MAP3K13: variants seen among roughly 807,000 people sequenced by gnomAD.
MAP3K13 encodes mitogen-activated protein kinase kinase kinase 13, also known as leucine zipper-bearing kinase.
A neutral mutation model predicts 104.0 loss-of-function variants in MAP3K13; 52 were observed. The ratio of observed to expected loss-of-function variants is 0.50; its 90% CI spans 0.40 to 0.63. MAP3K13 has a LOEUF of 0.63. Among genes scored for constraint, MAP3K13 ranks in the 20% least tolerant of loss-of-function variants. The pLI is 0.00. For missense variants in MAP3K13, 914 were observed against 1,218.5 expected, an observed-to-expected ratio of 0.75 and a Z score of 3.72; for synonymous variants, 394 against 442.2, an observed-to-expected ratio of 0.89 and a Z score of 1.37.
At chr3:185,327,338 C>T (rs1360548234) in intron 2 of MAP3K13, among the ~76,000 whole-genome samples, 2 of 152,182 alleles carry the variant, frequency 1.3e-5, no homozygotes, top group Non-Finnish European at 2.9e-5. Context: ...AAACGTTAAT[C>T]ACATCTGCAA....
chr3:185,480,700 G>A (rs6802270), intron 13 of MAP3K13, among the ~76,000 whole-genome samples, 171 bp downstream of exon 13: 1 of 152,168 alleles, frequency 6.6e-6, no homozygotes, highest in Non-Finnish European at 1.5e-5. Context: ...AATTTATGAA[G>A]AAAAGAGGTT....
At chr3:185,439,206 A>C (rs1715198429) in intron 3 of MAP3K13, among the ~76,000 whole-genome samples, 1 of 152,126 alleles carries the variant, frequency 6.6e-6, no homozygotes, top group Non-Finnish European at 1.5e-5. Flanking sequence ...CAGGACACTA[A>C]GAGACAGAAA....
intron 2 of MAP3K13, among the ~76,000 whole-genome samples, chr3:185,437,000 CAAAAAAAAAAAAAAAAAAA>C (rs58819806): frequency 2.7e-5 from 1 of 36,946 alleles, no homozygotes; most frequent in Non-Finnish European, 4.6e-5. Flanking sequence ...GACTCTGTCT[CAAAAAAAAAAAAAAAAAAA>C]AAAAAAAAAA....
chr3:185,299,553 CTTTTTTTT>C (rs1195743775), intron 2 of MAP3K13, among the ~76,000 whole-genome samples: 1 of 7,092 alleles, frequency 1.4e-4, no homozygotes, highest in South Asian at 8.9e-3. Flanking sequence ...CTCTCTCTCT[CTTTTTTTT>C]TTTTTTTTTT....
At chr3:185,373,590 G>A (rs1026814115) in intron 1 of MAP3K13, among the ~76,000 whole-genome samples, 9 of 152,098 alleles carry the variant, frequency 5.9e-5, no homozygotes, top group African/African-American at 1.7e-4. Flanking sequence ...TGCAGTGAGC[G>A]GAGATCATGC....
At chr3:185,479,094 C>T (rs1377884239) in intron 12 of MAP3K13, among the ~76,000 whole-genome samples, 1 of 152,138 alleles carries the variant, frequency 6.6e-6, no homozygotes, top group Admixed American at 6.5e-5. Context: ...AGCGTTGGCT[C>T]ATCAGAGCCA....
chr3:185,297,690 G>A (rs1477778498), intron 2 of MAP3K13, among the ~76,000 whole-genome samples: 3 of 151,010 alleles, frequency 2.0e-5, no homozygotes, highest in Non-Finnish European at 4.4e-5. Context: ...AGCTGAGACC[G>A]TGCCACTGCA....
chr3:185,302,594 T>C (rs1721146840), intron 2 of MAP3K13, among the ~76,000 whole-genome samples: 1 of 152,192 alleles, frequency 6.6e-6, no homozygotes, highest in African/African-American at 2.4e-5. Flanking sequence ...TTTTTGATGC[T>C]ATTATAAATG....
rs1434696080 is a variant in MAP3K13 at position 185,385,297 on chromosome 3, T to C, written c.-86+21929T>C. Among the ~76,000 whole-genome samples the C allele has an allele frequency of 2.6e-5, 4 of 152,140 alleles. No homozygotes were observed. In the South Asian group the frequency reaches 8.3e-4, roughly 32 times the overall value. On this transcript the variant is annotated intron_variant, in intron 1 of 13. Transcript: ENST00000265026. ...TCCCGAGTGGCTGGGATTACAGGCA[T>C]GCACCACCATGTCCAACTAATTTTT...
At chr3:185,454,556 C>CATATATATGATATATATGATATATAG (rs1560116839) in intron 7 of MAP3K13, among the ~76,000 whole-genome samples, 6 of 53,818 alleles carry the variant, frequency 1.1e-4, no homozygotes, top group Admixed American at 6.1e-4. Context: ...GATATATACA[C>CATATATATGATATATATGATATATAG]ATATATATGA....
At chr3:185,405,338 G>A (rs935311665) in intron 1 of MAP3K13, among the ~76,000 whole-genome samples, 1 of 152,194 alleles carries the variant, frequency 6.6e-6, no homozygotes, top group Non-Finnish European at 1.5e-5. Context: ...CATTGCATAA[G>A]TAATGAGTAA....
chr3:185,421,132 CTTTCTTTTTCTTTTTTCT>C (rs1714096047), intron 1 of MAP3K13, among the ~76,000 whole-genome samples: 1 of 151,984 alleles, frequency 6.6e-6, no homozygotes, highest in South Asian at 2.1e-4. Flanking sequence ...TCCCGGAGTA[CTTTCTTTTTCTTTTTTCT>C]TTTCTTTTCT....
At chr3:185,416,824 T>C (rs1713807561) in intron 1 of MAP3K13, among the ~76,000 whole-genome samples, 1 of 151,410 alleles carries the variant, frequency 6.6e-6, no homozygotes, top group Non-Finnish European at 1.5e-5. Context: ...GGTCTCACTG[T>C]GTTGCCCAGG....
rs1241265305 is a variant in MAP3K13, at chr3:185,450,326, T to G, written c.1169+268T>G. ...AGAACTTGGTGTTATTATCTCAAAA[T>G]AGTAGGCCTTGGTCAATGATAGCTA... On this transcript the variant is annotated intron_variant, in intron 6 of 13. Coordinates refer to ENST00000265026, the MANE Select transcript of MAP3K13 (RefSeq NM_004721.5). This position sits in a 1 kb window ranked among gnomAD's most constrained non-coding sequence, Gnocchi z 4.2. 6.6e-6 allele frequency among the ~76,000 whole-genome samples: 1 copy of G among 152,234 alleles called. No individual in the cohort carries two copies. The highest frequency in any genetic ancestry group is 2.4e-5 in the African/African-American group (1 of 41,464).
chr3:185,449,169 C>T (rs558780600), intron 5 of MAP3K13, among the ~76,000 whole-genome samples: 12 of 151,958 alleles, frequency 7.9e-5, no homozygotes, highest in African/African-American at 2.9e-4. Flanking sequence ...GTCAGGAGTT[C>T]GAGACCAGCC....
upstream of MAP3K13, among the ~76,000 whole-genome samples, chr3:185,358,485 G>A (rs1723472242): frequency 1.3e-5 from 2 of 152,154 alleles, no homozygotes; most frequent in East Asian, 1.9e-4. Flanking sequence ...CTTCTAAGGG[G>A]TATTAGGCTA....
At chr3:185,439,181 A>G (rs1431100615) in intron 3 of MAP3K13, among the ~76,000 whole-genome samples, 1 of 152,138 alleles carries the variant, frequency 6.6e-6, no homozygotes, top group Non-Finnish European at 1.5e-5. Flanking sequence ...TGTGAAAAAA[A>G]GAGAAGCATT....
At chr3:185,379,894 G>A (rs1457126077) in intron 1 of MAP3K13, among the ~76,000 whole-genome samples, 1 of 152,150 alleles carries the variant, frequency 6.6e-6, no homozygotes, top group Non-Finnish European at 1.5e-5. Flanking sequence ...TGTTAGAAGT[G>A]CTCATTCTTG....
At chr3:185,466,059 A>C (rs1159748054) in intron 9 of MAP3K13, among the ~76,000 whole-genome samples, 196 bp downstream of exon 9, 1 of 152,230 alleles carries the variant, frequency 6.6e-6, no homozygotes, top group African/African-American at 2.4e-5. Context: ...CCACAGAGCA[A>C]GTTATAGGAG....
Sources: gnomAD v4.1 joint callset for allele counts (sites outside exome capture counted in the v4.1 genomes callset) on GRCh38, gnomAD v4.1.1 for gene constraint, Gnocchi (gnomAD v3.1) non-coding constraint, MANE v1.5 for transcripts, NCBI Gene and HGNC (gene_info 2026-07-23, HGNC 2026-07-21) for gene names.